Variants in PEX5L observed in about 807,000 individuals in gnomAD.
The protein encoded by PEX5L is peroxisomal biogenesis factor 5 like, also known as PEX5-related protein.
In PEX5L, 30 loss-of-function variants were observed where a neutral mutation model predicts 84.0. The ratio of observed to expected loss-of-function variants is 0.36; its 90% CI spans 0.27 to 0.48. The LOEUF is 0.48. Among genes scored for constraint, PEX5L ranks in the 20% least tolerant of loss-of-function variants. PEX5L has a pLI of 0.99. For synonymous variants in PEX5L, 270 were observed against 283.1 expected (o/e 0.95, Z 0.46); for missense variants, 533 against 754.6 (o/e 0.71, Z 3.44).
chr3:179,892,199 T>C (rs569266656), intron 3 of PEX5L, among the ~76,000 whole-genome samples: 46 of 152,296 alleles, frequency 3.0e-4, no homozygotes, highest in African/African-American at 1.0e-3. Flanking sequence ...TTTGTCCACA[T>C]TTTAAATTTT....
intron 1 of PEX5L, among the ~76,000 whole-genome samples, chr3:180,006,919 A>T (rs1191002030): frequency 6.6e-6 from 1 of 152,150 alleles, no homozygotes; most frequent in Admixed American, 6.5e-5. Flanking sequence ...CAGCCAAACC[A>T]TACGATTCCA....
At chr3:179,952,440 A>G (rs994057601) in intron 2 of PEX5L, among the ~76,000 whole-genome samples, 1 of 152,210 alleles carries the variant, frequency 6.6e-6, no homozygotes, top group Non-Finnish European at 1.5e-5. Context: ...ATGTGTATAT[A>G]GCAGAATGAC....
chr3:179,996,326 AG>A (rs1217504822), intron 1 of PEX5L, among the ~76,000 whole-genome samples: 3 of 152,198 alleles, frequency 2.0e-5, no homozygotes, highest in Non-Finnish European at 2.9e-5. Context: ...AGGAACATAG[AG>A]TTGGATCAGG....
At chr3:179,987,380 C>A (rs1447134055) in intron 1 of PEX5L, among the ~76,000 whole-genome samples, 1 of 151,862 alleles carries the variant, frequency 6.6e-6, no homozygotes, top group African/African-American at 2.4e-5. Context: ...ATCTTTCTAG[C>A]AAGTTAGAAA....
At chr3:179,821,826 A>G (rs760157455) in intron 8 of PEX5L, among the ~76,000 whole-genome samples, 12 of 152,278 alleles carry the variant, frequency 7.9e-5, no homozygotes, top group Admixed American at 5.9e-4. Flanking sequence ...ATAAAAGACT[A>G]GGAAGAAATA....
intron 8 of PEX5L, among the ~76,000 whole-genome samples, chr3:179,840,955 A>G (rs1224120235): frequency 6.6e-6 from 1 of 152,222 alleles, no homozygotes; most frequent in Non-Finnish European, 1.5e-5. Flanking sequence ...GGAGAGGTCA[A>G]TATTGAAAAA....
At chr3:179,818,427 CT>C (rs76237267) in intron 9 of PEX5L, among the ~76,000 whole-genome samples, 31,971 of 151,858 alleles carry the variant, frequency 0.21, 3,588 homozygotes, top group African/African-American at 0.29. Flanking sequence ...AGCATGTATC[CT>C]TTTTTTGTGT....
intron 10 of PEX5L, among the ~76,000 whole-genome samples, chr3:179,815,092 A>G (rs1215819526): frequency 6.6e-6 from 1 of 152,168 alleles, no homozygotes; most frequent in Non-Finnish European, 1.5e-5. Flanking sequence ...TTGTTTTCCC[A>G]GATAGACCAT....
chr3:180,015,871 A>G (rs1789899220), intron 1 of PEX5L, among the ~76,000 whole-genome samples: 1 of 127,806 alleles, frequency 7.8e-6, no homozygotes, highest in African/African-American at 3.7e-5. Context: ...TATAACATAT[A>G]ATATATAATA....
At chr3:179,906,113 C>T (rs556204157) in intron 2 of PEX5L, among the ~76,000 whole-genome samples, 11 of 152,106 alleles carry the variant, frequency 7.2e-5, no homozygotes, top group Admixed American at 6.6e-5. Flanking sequence ...AAACTTGCTC[C>T]GAAGGACAGA....
At chr3:180,034,845 A>G (rs1195000804) in intron 1 of PEX5L, among the ~76,000 whole-genome samples, 2 of 152,154 alleles carry the variant, frequency 1.3e-5, no homozygotes, top group African/African-American at 4.8e-5. Flanking sequence ...TTGGGAGAAT[A>G]TGCAGAGTCT....
intron 8 of PEX5L, among the ~76,000 whole-genome samples, chr3:179,829,943 A>ATTTTTTTTTTTTTTTTTTTTTTTTTTT (rs11352022): frequency 1.2e-5 from 1 of 83,610 alleles, no homozygotes; most frequent in Non-Finnish European, 2.2e-5. Flanking sequence ...GGCCTGGCTA[A>ATTTTTTTTTTTTTTTTTTTTTTTTTTT]TTTTTTTTTT....
chr3:179,922,328 C>T lies in PEX5L; in HGVS notation c.94-24082G>A, dbSNP rs564404003. Among the ~76,000 whole-genome samples the T allele has an allele frequency of 3.9e-5, 6 of 152,070 alleles. 1 individual carries two copies. Among genetic ancestry groups the T allele is most frequent in the South Asian group, 2.1e-4 (1 of 4,818 alleles). On this transcript the variant is annotated intron_variant, in intron 2 of 14. Transcript: ENST00000467460. ...ATTAAGGAGAAAGCACAAGATGCTA[C>T]GGGAAGAGACAACAGCAGGATGTAA...
intron 2 of PEX5L, among the ~76,000 whole-genome samples, chr3:179,948,130 A>G (rs1291971004): frequency 2.6e-5 from 4 of 152,238 alleles, no homozygotes; most frequent in Admixed American, 1.3e-4. Context: ...CTAGGAATAA[A>G]TAAAATGTGT....
At chr3:179,987,692 A>G (rs1235687060) in intron 1 of PEX5L, among the ~76,000 whole-genome samples, 1 of 152,122 alleles carries the variant, frequency 6.6e-6, no homozygotes, top group African/African-American at 2.4e-5. Context: ...ACTGAACCAA[A>G]CTCAGGTGCT....
intron 2 of PEX5L, among the ~76,000 whole-genome samples, chr3:179,922,384 C>G (rs1033192493): frequency 6.6e-6 from 1 of 151,944 alleles, no homozygotes; most frequent in African/African-American, 2.4e-5. Context: ...TTTAAATGTG[C>G]CAGGAAGATA....
chr3:179,871,617 C>T (rs1750422438), intron 7 of PEX5L, among the ~76,000 whole-genome samples: 2 of 152,192 alleles, frequency 1.3e-5, no homozygotes, highest in Non-Finnish European at 2.9e-5. Context: ...GTAACCTACT[C>T]CTGTGCCAAT....
intron 1 of PEX5L, among the ~76,000 whole-genome samples, chr3:180,031,866 TTATTC>T (rs892595238): frequency 2.0e-5 from 3 of 152,238 alleles, no homozygotes; most frequent in Non-Finnish European, 4.4e-5. Flanking sequence ...TAACCTTTTC[TTATTC>T]TTTACTTTAA....
chr3:180,023,410 G>T (rs1175846746), intron 1 of PEX5L, among the ~76,000 whole-genome samples: 1 of 152,188 alleles, frequency 6.6e-6, no homozygotes, highest in Non-Finnish European at 1.5e-5. Flanking sequence ...GAGACATACG[G>T]CAGCATGCTC....
Sources: allele counts gnomAD v4.1 joint callset (sites outside exome capture counted in the v4.1 genomes callset), GRCh38; gene constraint gnomAD v4.1.1; transcripts MANE v1.5; gene names NCBI Gene and HGNC (gene_info 2026-07-23, HGNC 2026-07-21).